ETFA: variants seen among roughly 807,000 people sequenced by gnomAD.
ETFA encodes the protein electron transfer flavoprotein subunit alpha, mitochondrial.
Under a neutral mutation model 46.2 loss-of-function variants are expected in ETFA, and 22 were observed. That is an observed-to-expected ratio of 0.48 (90% CI 0.34 to 0.68). ETFA has a LOEUF of 0.68. ETFA is among the 30% of genes least tolerant of loss of function. The probability of loss-of-function intolerance (pLI) is 0.01; values close to 1 mark genes in which losing one functional copy is unlikely to be tolerated. For synonymous variants in ETFA, 131 were observed against 139.9 expected (o/e 0.94, Z 0.45); for missense variants, 345 against 401.1 (o/e 0.86, Z 1.19).
chr15:76,306,556 A>C (rs1490465249), intron 1 of ETFA, among the ~76,000 whole-genome samples: 1 of 151,688 alleles, frequency 6.6e-6, no homozygotes, highest in Non-Finnish European at 1.5e-5. Context: ...GAGCCACTGC[A>C]CCCAGCCGGT....
At chr15:76,216,720 C>T (rs761220840) in intron 11 of ETFA, 123 bp from the exon 12 acceptor site, 2 of 698,362 alleles carry the variant, frequency 2.9e-6, no homozygotes, top group South Asian at 3.2e-5. Context: ...GCACGAGGGC[C>T]CCCTCCTCTC....
intron 2 of ETFA, among the ~76,000 whole-genome samples, chr15:76,294,184 A>G (rs2039795778): frequency 6.6e-6 from 1 of 152,256 alleles, no homozygotes; most frequent in Non-Finnish European, 1.5e-5. Context: ...TTCTCAAAGT[A>G]GTATAAAGTA....
intron 9 of ETFA, among the ~76,000 whole-genome samples, chr15:76,233,171 C>T (rs1366043183): frequency 1.2e-4 from 19 of 152,132 alleles, no homozygotes; most frequent in Non-Finnish European, 2.8e-4. Context: ...TGTGATTCTA[C>T]CTTCAATGTA....
At chr15:76,278,313 A>T (rs1434636870) in intron 8 of ETFA, among the ~76,000 whole-genome samples, 1 of 152,078 alleles carries the variant, frequency 6.6e-6, no homozygotes, top group Non-Finnish European at 1.5e-5. Flanking sequence ...CATTCCTCTG[A>T]CCCCACTGTA....
At chr15:76,257,581 T>C (rs2039357496) in intron 9 of ETFA, among the ~76,000 whole-genome samples, 1 of 152,130 alleles carries the variant, frequency 6.6e-6, no homozygotes, top group African/African-American at 2.4e-5. Context: ...GACTGTAAAC[T>C]AGTTCAACCA....
At chr15:76,264,358 T>G (rs2404974) in intron 9 of ETFA, among the ~76,000 whole-genome samples, 43,716 of 152,142 alleles carry the variant, frequency 0.29, 6,719 homozygotes, top group East Asian at 0.58. Context: ...TGTTTCCTTT[T>G]AACAGTTACT....
At chr15:76,217,984 G>T (rs1478603448) in intron 11 of ETFA, among the ~76,000 whole-genome samples, 1 of 152,216 alleles carries the variant, frequency 6.6e-6, no homozygotes, top group Admixed American at 6.5e-5. Flanking sequence ...CTCAGGGGTG[G>T]CATTAAGTGC....
intron 4 of ETFA, among the ~76,000 whole-genome samples, chr15:76,290,333 C>CTTTTTTTTTTTTTT (rs10682432): frequency 4.1e-5 from 4 of 97,142 alleles, no homozygotes; most frequent in Admixed American, 1.4e-4. Flanking sequence ...AGTCGCTACT[C>CTTTTTTTTTTTTTT]TTTTTTTTTT....
chr15:76,228,560 A>C (rs1414912920), intron 10 of ETFA, among the ~76,000 whole-genome samples: 1 of 152,138 alleles, frequency 6.6e-6, no homozygotes, highest in Non-Finnish European at 1.5e-5. Flanking sequence ...GTATTTAACA[A>C]AAAAGATGTG....
chr15:76,232,451 C>T (rs1470380660), intron 9 of ETFA, among the ~76,000 whole-genome samples: 1 of 152,166 alleles, frequency 6.6e-6, no homozygotes, highest in Non-Finnish European at 1.5e-5. Context: ...TCACAACTGA[C>T]AGTAAAGTCT....
intron 8 of ETFA, among the ~76,000 whole-genome samples, chr15:76,283,381 G>A (rs2039673925): frequency 6.6e-6 from 1 of 152,062 alleles, no homozygotes; most frequent in Non-Finnish European, 1.5e-5. Context: ...TTGTAGAGAT[G>A]GGGTCTCACT....
intron 1 of ETFA, among the ~76,000 whole-genome samples, chr15:76,306,050 T>G (rs2039936705): frequency 6.6e-6 from 1 of 151,916 alleles, no homozygotes; most frequent in African/African-American, 2.4e-5. Context: ...CTTGTCAGTT[T>G]TTTAGAGTTC....
chr15:76,225,905 G>T lies in ETFA; in HGVS notation c.907C>A (p.Pro303Thr). 6.2e-7 allele frequency: 1 copy of T among 1,610,474 alleles called. No individual in the cohort carries two copies. Residue 303 changes from proline (P) to threonine (T), a missense_variant, in exon 11 of 12, where the codon CCA (proline) becomes ACA (threonine). Transcript: ENST00000557943. Reference protein sequence around the residue: ...SKTIVAINKDPEAPIFQVADY... With the variant: ...SKTIVAINKDTEAPIFQVADY... Reference sequence around the variant, plus strand: ...GCCACTTGGAAAATTGGAGCTTCTGGGTCTTTATTAATTGCCACAATTGTC... The same window carrying T: ...GCCACTTGGAAAATTGGAGCTTCTGTGTCTTTATTAATTGCCACAATTGTC...
intron 9 of ETFA, among the ~76,000 whole-genome samples, chr15:76,234,746 C>T (rs1345009365): frequency 6.6e-6 from 1 of 151,996 alleles, no homozygotes; most frequent in Non-Finnish European, 1.5e-5. Flanking sequence ...AGGGGCTGTG[C>T]GGAGAAGTAA....
intron 9 of ETFA, among the ~76,000 whole-genome samples, chr15:76,248,783 GGGA>G (rs1278469573): frequency 6.6e-6 from 1 of 151,936 alleles, no homozygotes; most frequent in Non-Finnish European, 1.5e-5. Context: ...AGGCTGAGGT[GGGA>G]GAATTGTTTG....
chr15:76,278,763 CAA>C (rs2039620962), intron 8 of ETFA, among the ~76,000 whole-genome samples: 1 of 152,166 alleles, frequency 6.6e-6, no homozygotes, highest in South Asian at 2.1e-4. Context: ...CTGAAAGGAT[CAA>C]AAGAGAATTT....
Position 76,305,539 on chromosome 15 carries a change from T to C in ETFA, c.39+5811A>G, listed in dbSNP as rs550713698. Among the ~76,000 whole-genome samples, 16 of 152,332 alleles carry C rather than the reference T, an allele frequency of 1.1e-4. No individual in the cohort carries two copies. In the South Asian group the frequency reaches 2.5e-3, roughly 24 times the overall value. ...TACTCTGTTTAGACTTGGTTGCAAA[T>C]AGCAAAATATGAAGTTTTCTTTCTC... On this transcript the variant is annotated intron_variant, in intron 1 of 11. Transcript: ENST00000557943.
intron 9 of ETFA, among the ~76,000 whole-genome samples, chr15:76,247,590 T>A (rs538464653): frequency 6.6e-6 from 1 of 152,284 alleles, no homozygotes; most frequent in South Asian, 2.1e-4. Flanking sequence ...GGCAACTCTT[T>A]AATCAGTACA....
chr15:76,297,582 C>T (rs1013452957), intron 1 of ETFA, among the ~76,000 whole-genome samples: 15 of 151,988 alleles, frequency 9.9e-5, no homozygotes, highest in African/African-American at 3.4e-4. Flanking sequence ...AAGGCCCATA[C>T]TTGCTGTAAA....
Sources: gnomAD v4.1 joint callset for allele counts (sites outside exome capture counted in the v4.1 genomes callset) on GRCh38, gnomAD v4.1.1 for gene constraint, MANE v1.5 for transcripts, NCBI Gene and HGNC (gene_info 2026-07-23, HGNC 2026-07-21) for gene names.